The following SV2B variants were observed in gnomAD, a reference collection of about 807,000 sequenced individuals.
SV2B encodes the protein synaptic vesicle glycoprotein 2B.
A neutral mutation model predicts 73.9 loss-of-function variants in SV2B; 41 were observed. That is an observed-to-expected ratio of 0.56 (90% CI 0.43 to 0.72). SV2B has a LOEUF of 0.72. SV2B is among the 30% of genes least tolerant of loss of function. The pLI, the probability that SV2B is intolerant of heterozygous loss-of-function variation, is 0.00. For missense variants in SV2B, 764 were observed against 857.8 expected (o/e 0.89, Z 1.37); for synonymous variants, 314 against 314.2 (o/e 1.00, Z 0.01).
rs746198533 is a variant in SV2B, at chr15:91,283,226, A to G, written c.1508-795A>G. Among the ~76,000 whole-genome samples, 1 of 152,212 alleles carries G rather than the reference A, an allele frequency of 6.6e-6. No homozygotes were observed. Among genetic ancestry groups the G allele is most frequent in the Non-Finnish European group, 1.5e-5 (1 of 68,020 alleles). On this transcript the variant is annotated intron_variant, in intron 10 of 12. Coordinates refer to ENST00000394232, the MANE Select transcript of SV2B (RefSeq NM_001323032.3). The surrounding 1 kb of genome is among the most constrained non-coding windows in gnomAD (Gnocchi z 4.3). ...TCAGAAGACTTGCAAACTGGTTCCAATGCAAATGGCTTTTATTTTTTAAGA... is the reference window on the plus strand; with the variant it reads ...TCAGAAGACTTGCAAACTGGTTCCAGTGCAAATGGCTTTTATTTTTTAAGA...
At chr15:91,230,184 T>C (rs2141506231) in intron 2 of SV2B, among the ~76,000 whole-genome samples, 2 of 150,512 alleles carry the variant, frequency 1.3e-5, no homozygotes, top group Middle Eastern at 3.5e-3. Flanking sequence ...GAGGTTGCAG[T>C]GAGCTATCAT....
intron 4 of SV2B, among the ~76,000 whole-genome samples, chr15:91,256,915 G>A (rs920056997): frequency 6.6e-6 from 1 of 152,172 alleles, no homozygotes; most frequent in Non-Finnish European, 1.5e-5. Context: ...TTCAAGGCAA[G>A]CTGTTTGCCA....
At position 91,289,211 on chromosome 15, in the gene SV2B, G is replaced by C. The variant is rs949945977; in HGVS notation, c.1709-310G>C. On this transcript the variant is annotated intron_variant, in intron 11 of 12. Coordinates refer to ENST00000394232, the MANE Select transcript of SV2B (RefSeq NM_001323032.3). This position sits in a 1 kb window ranked among gnomAD's most constrained non-coding sequence, Gnocchi z 4.9. ...CTAGAACAATGTCTGGTACATAATA[G>C]ATTCTCAACAAATGCCCCTATCTGC... Among the ~76,000 whole-genome samples the C allele has an allele frequency of 5.9e-5, 9 of 152,192 alleles. No individual in the cohort carries two copies. The highest frequency in any genetic ancestry group is 2.2e-4 in the African/African-American group (9 of 41,434).
Position 91,130,084 on chromosome 15 carries a change from G to A in SV2B, c.-392+29721G>A, listed in dbSNP as rs1410278238. Among the ~76,000 whole-genome samples the A allele has an allele frequency of 2.0e-5, 3 of 152,082 alleles. No individual in the cohort carries two copies. The highest frequency in any genetic ancestry group is 4.4e-5 in the Non-Finnish European group (3 of 68,036). ...GCTGTGGCCAGCATGCAGGTCAGGC[G>A]TGCCAAGGCCTGAACCTGAACAGTG... On this transcript the variant is annotated intron_variant, in intron 1 of 12. Coordinates refer to ENST00000394232, the MANE Select transcript of SV2B (RefSeq NM_001323032.3). The surrounding 1 kb of genome is among the most constrained non-coding windows in gnomAD (Gnocchi z 5.6).
chr15:91,130,222 G>A lies in SV2B; in HGVS notation c.-392+29859G>A, dbSNP rs766257957. Among the ~76,000 whole-genome samples the A allele has an allele frequency of 6.6e-6, 1 of 152,182 alleles. No individual in the cohort carries two copies. Among genetic ancestry groups the A allele is most frequent in the African/African-American group, 2.4e-5 (1 of 41,442 alleles). On this transcript the variant is annotated intron_variant, in intron 1 of 12. Coordinates refer to ENST00000394232, the MANE Select transcript of SV2B (RefSeq NM_001323032.3). This position sits in a 1 kb window ranked among gnomAD's most constrained non-coding sequence, Gnocchi z 5.6. ...TGAGGAGAGTGAGAGGAGTGACACA[G>A]CTGAGGTTCTTAGGTTAGGGCAACT... is the stretch of plus-strand genomic sequence containing the variant.
In SV2B at chr15:91,290,469, T is replaced by C. The variant is rs978649352; in HGVS notation, c.1868+789T>C. Among the ~76,000 whole-genome samples, 2 of 152,170 alleles carry C rather than the reference T, an allele frequency of 1.3e-5. No homozygotes were observed. Among genetic ancestry groups the C allele is most frequent in the African/African-American group, 4.8e-5 (2 of 41,440 alleles). On this transcript the variant is annotated intron_variant, in intron 12 of 12. Coordinates refer to ENST00000394232, the MANE Select transcript of SV2B (RefSeq NM_001323032.3). The surrounding 1 kb of genome is among the most constrained non-coding windows in gnomAD (Gnocchi z 4.7). ...AACAGGAGGACAAATGATTATTATTTGAATATGATGTGATTTTACATCTAG... is the reference window on the plus strand; with the variant it reads ...AACAGGAGGACAAATGATTATTATTCGAATATGATGTGATTTTACATCTAG...
chr15:91,260,846 C>T (rs1038100758), intron 6 of SV2B, among the ~76,000 whole-genome samples: 2 of 152,150 alleles, frequency 1.3e-5, no homozygotes, highest in African/African-American at 4.8e-5. Context: ...AGCAGAAACC[C>T]CTGATAAACC....
chr15:91,194,968 A>G (rs1289963926), intron 1 of SV2B, among the ~76,000 whole-genome samples: 1 of 150,378 alleles, frequency 6.6e-6, no homozygotes, highest in East Asian at 1.9e-4. Context: ...GGCAATATTC[A>G]GGATCAGAAT....
intron 1 of SV2B, among the ~76,000 whole-genome samples, chr15:91,172,804 G>A (rs1056427270): frequency 4.6e-5 from 7 of 152,194 alleles, no homozygotes; most frequent in African/African-American, 9.7e-5. Flanking sequence ...AAAGGATTCA[G>A]TGAATTAATA....
At position 91,226,613 on chromosome 15, in the gene SV2B, T is replaced by C. The variant is rs775669399; in HGVS notation, c.350T>C (p.Leu117Ser). ...TGGATCCTCTTTTTCGTCTTGGGTT[T>C]GGCCCTGATGGCCGATGGGGTGGAA... Reference protein sequence around the residue: ...FQWILFFVLGLALMADGVEVF... With the variant: ...FQWILFFVLGSALMADGVEVF... Residue 117 changes from leucine to serine, a missense_variant, in exon 2 of 13, where the codon TTG (leucine) becomes TCG (serine). Physicochemically the swap from Leu to Ser is moderately radical, Grantham distance 145. Transcript: ENST00000394232. The C allele has an allele frequency of 6.2e-7, 1 of 1,614,186 alleles. No homozygotes were observed. Among genetic ancestry groups the C allele is most frequent in the Non-Finnish European group, 8.5e-7 (1 of 1,180,014 alleles).
chr15:91,147,284 C>G (rs570121638), intron 1 of SV2B, among the ~76,000 whole-genome samples: 1 of 152,200 alleles, frequency 6.6e-6, no homozygotes, highest in Non-Finnish European at 1.5e-5. Context: ...ACTATCCCTT[C>G]CTGCAGGTCC....
chr15:91,275,906 G>C (rs972254032), intron 9 of SV2B, among the ~76,000 whole-genome samples: 3 of 152,082 alleles, frequency 2.0e-5, no homozygotes, highest in African/African-American at 7.2e-5. Flanking sequence ...AATGTAGATA[G>C]GTATTATATT....
In SV2B at chr15:91,240,081, A is replaced by C. The variant is rs3784768; in HGVS notation, c.452-11738A>C. On this transcript the variant is annotated intron_variant, in intron 2 of 12. Coordinates refer to ENST00000394232, the MANE Select transcript of SV2B (RefSeq NM_001323032.3). The surrounding 1 kb of genome is among the most constrained non-coding windows in gnomAD (Gnocchi z 4.6). ...TCTGAACACGTTTAATACCTGAACA[A>C]AAGCCAGGGTTCCCTTAGCAAGGAA... Among the ~76,000 whole-genome samples, 54,811 of 152,096 alleles carry C rather than the reference A, an allele frequency of 0.36. 13,186 individuals are homozygous for C. Among genetic ancestry groups the C allele is most frequent in the African/African-American group, 0.69 (28,482 of 41,458 alleles).
intron 2 of SV2B, among the ~76,000 whole-genome samples, chr15:91,237,231 C>T (rs1377621163): frequency 6.6e-6 from 1 of 152,184 alleles, no homozygotes; most frequent in African/African-American, 2.4e-5. Context: ...TGTGTGGCCC[C>T]TCTCAAAGTC....
chr15:91,212,493 T>G (rs2045901753), intron 1 of SV2B, among the ~76,000 whole-genome samples: 1 of 152,230 alleles, frequency 6.6e-6, no homozygotes, highest in Admixed American at 6.5e-5. Flanking sequence ...TCAAGTTTGC[T>G]AAGATTCACT....
At chr15:91,151,835 C>T (rs8031361) in intron 1 of SV2B, among the ~76,000 whole-genome samples, 109,052 of 152,032 alleles carry the variant, frequency 0.72, 39,556 homozygotes, top group African/African-American at 0.8. Context: ...TGGTTCATTC[C>T]TACTCATACA....
At position 91,245,077 on chromosome 15, in the gene SV2B, A is replaced by G. The variant is rs1222068461; in HGVS notation, c.452-6742A>G. ...CCTCTTCTTTCTTGTCACCACGGTA[A>G]GCCAGTGCGGTCTGATGGTACATCT... On this transcript the variant is annotated intron_variant, in intron 2 of 12. Transcript: ENST00000394232. The surrounding 1 kb of genome is among the most constrained non-coding windows in gnomAD (Gnocchi z 4.2). Among the ~76,000 whole-genome samples the G allele has an allele frequency of 6.6e-6, 1 of 152,240 alleles. No individual in the cohort carries two copies. Among genetic ancestry groups the G allele is most frequent in the Non-Finnish European group, 1.5e-5 (1 of 68,044 alleles).
At chr15:91,131,303 C>A (rs1408086215) in intron 1 of SV2B, among the ~76,000 whole-genome samples, 3 of 151,296 alleles carry the variant, frequency 2.0e-5, no homozygotes, top group Non-Finnish European at 4.4e-5. Context: ...AGGTTTGGAA[C>A]AGCCCTCACG....
At chr15:91,219,288 G>A (rs1257775363) in intron 1 of SV2B, among the ~76,000 whole-genome samples, 1 of 152,184 alleles carries the variant, frequency 6.6e-6, no homozygotes, top group Non-Finnish European at 1.5e-5. Context: ...ATTGGACAGA[G>A]CCTGGTGAAG....
Sources: gnomAD v4.1 joint callset for allele counts (sites outside exome capture counted in the v4.1 genomes callset) on GRCh38, gnomAD v4.1.1 for gene constraint, Gnocchi (gnomAD v3.1) non-coding constraint, MANE v1.5 for transcripts, NCBI Gene and HGNC (gene_info 2026-07-23, HGNC 2026-07-21) for gene names.